Variants in DENND2B observed in about 807,000 individuals in gnomAD.
The protein encoded by DENND2B is DENN domain containing 2B.
A neutral mutation model predicts 116.0 loss-of-function variants in DENND2B; 32 were observed. That is an observed-to-expected ratio of 0.28 (90% CI 0.21 to 0.37). The LOEUF (loss-of-function observed/expected upper bound fraction) is 0.37, where lower values mean the gene tolerates loss of function less well. Ranked by LOEUF, DENND2B falls within the 10% of genes least tolerant of loss-of-function variation. The pLI is 1.00. For synonymous variants in DENND2B, 588 were observed against 583.9 expected, an observed-to-expected ratio of 1.01 and a Z score of -0.10; for missense variants, 1,276 against 1,477.7, an observed-to-expected ratio of 0.86 and a Z score of 2.24.
At chr11:8,697,799 A>T (rs1264966858) in intron 16 of DENND2B, 163 bp from the exon 17 acceptor site, 1 of 628,072 alleles carries the variant, frequency 1.6e-6, no homozygotes, top group Non-Finnish European at 2.9e-6. Context: ...TGAAGCACAG[A>T]AAGGTTAAGA....
chr11:8,760,975 C>T (rs1024873748), intron 1 of DENND2B, among the ~76,000 whole-genome samples: 1 of 152,176 alleles, frequency 6.6e-6, no homozygotes, highest in Non-Finnish European at 1.5e-5. Context: ...CTTTTTCCAT[C>T]TCTTCACTGT....
intron 2 of DENND2B, among the ~76,000 whole-genome samples, chr11:8,748,199 G>A (rs921401205): frequency 1.3e-5 from 2 of 152,098 alleles, no homozygotes; most frequent in Non-Finnish European, 2.9e-5. Context: ...TGGTCACACC[G>A]AGGAGTCTCC....
At chr11:8,697,443 C>T in intron 17 of DENND2B, 82 bp downstream of exon 17, 2 of 1,034,700 alleles carry the variant, frequency 1.9e-6, no homozygotes, top group South Asian at 1.3e-5. Flanking sequence ...TGTGCAGAGG[C>T]AGAGTTCTGG....
intron 1 of DENND2B, among the ~76,000 whole-genome samples, chr11:8,806,638 A>ACACACACACACACACAC (rs1017645452): frequency 6.6e-6 from 1 of 150,896 alleles, no homozygotes; most frequent in South Asian, 2.1e-4. Context: ...ACACACACAC[A>ACACACACACACACACAC]CCCAGGAGAG....
chr11:8,772,572 A>G lies in DENND2B; in HGVS notation c.-25-21847T>C, dbSNP rs532653787. Among the ~76,000 whole-genome samples the G allele has an allele frequency of 5.3e-5, 8 of 152,280 alleles. No individual in the cohort carries two copies. The South Asian group carries it at 8.3e-4, about 16-fold the overall frequency. The stretch of plus-strand genomic sequence containing the variant: ...GGTGTCAGGAGTGTTGTGAGTAGCA[A>G]TATATCATACTAATAGTAGAGTGAG... On this transcript the variant is annotated intron_variant, in intron 1 of 19. Transcript: ENST00000313726.
intron 2 of DENND2B, among the ~76,000 whole-genome samples, chr11:8,739,094 T>C (rs1481959536): frequency 6.6e-6 from 1 of 152,246 alleles, no homozygotes; most frequent in Non-Finnish European, 1.5e-5. Context: ...AAAGGAATTA[T>C]TATTTGTGTT....
Position 8,748,700 on chromosome 11 carries a change from T to C in DENND2B, c.80+1921A>G, listed in dbSNP as rs148733046. On this transcript the variant is annotated intron_variant, in intron 2 of 19. Transcript: ENST00000313726. ...TTAGAAGGGAGGCAGGAAAGGTGCT[T>C]TTTTTAGGCACATCTGAGGCTCAGA... Among the ~76,000 whole-genome samples the C allele has an allele frequency of 2.0e-5, 3 of 150,930 alleles. No homozygotes were observed. The East Asian group carries it at 5.8e-4, about 29-fold the overall frequency.
At chr11:8,884,462 G>C (rs2063938198) in intron 1 of DENND2B, among the ~76,000 whole-genome samples, 1 of 152,126 alleles carries the variant, frequency 6.6e-6, no homozygotes, top group South Asian at 2.1e-4. Flanking sequence ...AAGTAGCTGA[G>C]AGTGTAGGCA....
intron 1 of DENND2B, among the ~76,000 whole-genome samples, chr11:8,750,944 G>C (rs907256007): frequency 6.6e-6 from 1 of 152,208 alleles, no homozygotes; most frequent in Non-Finnish European, 1.5e-5. Flanking sequence ...TTGATTGTGA[G>C]TGCACCAATC....
At chr11:8,780,058 G>C (rs548829905) in intron 1 of DENND2B, among the ~76,000 whole-genome samples, 2 of 152,194 alleles carry the variant, frequency 1.3e-5, no homozygotes, top group Non-Finnish European at 2.9e-5. Context: ...GCAGGAGAAG[G>C]GGGGCAGTAT....
At chr11:8,737,181 TTAGTGGTATA>T (rs1242345534) in intron 2 of DENND2B, among the ~76,000 whole-genome samples, 1 of 152,096 alleles carries the variant, frequency 6.6e-6, no homozygotes, top group African/African-American at 2.4e-5. Flanking sequence ...ATGGGAGTCA[TTAGTGGTATA>T]TAGAAATATT....
chr11:8,828,908 AAGGAAGG>A (rs981244103), intron 4 of DENND2B, among the ~76,000 whole-genome samples: 1 of 151,964 alleles, frequency 6.6e-6, no homozygotes, highest in African/African-American at 2.4e-5. Flanking sequence ...AGTAAGATGA[AAGGAAGG>A]AGGGAGGCAG....
chr11:8,707,727 G>A lies in DENND2B; in HGVS notation c.2430+50C>T, dbSNP rs1255057861. ...CTAAGCTGGCTGCAGATACTCCTGT[G>A]GGAGCTGTCAGCTGGGGGACGGGGA... On this transcript the variant is annotated intron_variant, in intron 12 of 19. Transcript: ENST00000313726. This position sits in a 1 kb window ranked among gnomAD's most constrained non-coding sequence, Gnocchi z 4.8. The A allele has an allele frequency of 6.4e-7, 1 of 1,550,836 alleles. No homozygotes were observed. Among genetic ancestry groups the A allele is most frequent in the Non-Finnish European group, 8.8e-7 (1 of 1,140,518 alleles).
chr11:8,799,562 T>A (rs1276180071), intron 1 of DENND2B, among the ~76,000 whole-genome samples: 1 of 2,552 alleles, frequency 3.9e-4, no homozygotes, highest in African/African-American at 4.7e-4. Flanking sequence ...CCTTTTTCTC[T>A]TTTTTTTTTT....
chr11:8,764,422 T>C (rs1298310694), intron 1 of DENND2B, among the ~76,000 whole-genome samples: 3 of 152,226 alleles, frequency 2.0e-5, no homozygotes, highest in Admixed American at 2.0e-4. Context: ...ATTTAGCTTG[T>C]GTAATCTTAG....
chr11:8,903,520 T>C (rs1180701458), intron 1 of DENND2B, among the ~76,000 whole-genome samples: 1 of 144,252 alleles, frequency 6.9e-6, no homozygotes, highest in African/African-American at 2.5e-5. Context: ...CAGATTACCA[T>C]AATCAGATCT....
chr11:8,742,653 C>T (rs1318608515), intron 2 of DENND2B, among the ~76,000 whole-genome samples: 1 of 152,164 alleles, frequency 6.6e-6, no homozygotes, highest in Non-Finnish European at 1.5e-5. Context: ...AAGAGGTAAA[C>T]TAAGAAGGAG....
intron 1 of DENND2B, among the ~76,000 whole-genome samples, chr11:8,783,625 T>C (rs1432703639): frequency 6.6e-6 from 1 of 152,240 alleles, no homozygotes; most frequent in Non-Finnish European, 1.5e-5. Flanking sequence ...CTTCCTAATA[T>C]TTTTTGTTAT....
chr11:8,763,936 T>G (rs571369388), intron 1 of DENND2B, among the ~76,000 whole-genome samples: 1 of 151,878 alleles, frequency 6.6e-6, no homozygotes, highest in African/African-American at 2.4e-5. Flanking sequence ...TAAGAAGCAG[T>G]AGAGAGGCCA....
Sources: gnomAD v4.1 joint callset for allele counts (sites outside exome capture counted in the v4.1 genomes callset) on GRCh38, gnomAD v4.1.1 for gene constraint, Gnocchi (gnomAD v3.1) non-coding constraint, MANE v1.5 for transcripts, NCBI Gene and HGNC (gene_info 2026-07-23, HGNC 2026-07-21) for gene names.